The following RAB39A variants were observed in gnomAD, a reference collection of about 807,000 sequenced individuals.
RAB39A encodes ras-related protein Rab-39A.
A neutral mutation model predicts 20.9 loss-of-function variants in RAB39A; 17 were observed. That is an observed-to-expected ratio of 0.81 (90% CI 0.56 to 1.22). The LOEUF (loss-of-function observed/expected upper bound fraction) is 1.22, where lower values mean the gene tolerates loss of function less well. Among genes scored for constraint, RAB39A ranks in the 50% most tolerant of loss-of-function variants. The pLI, the probability that RAB39A is intolerant of heterozygous loss-of-function variation, is 0.00. For missense variants in RAB39A, 234 were observed against 270.5 expected (o/e 0.87, Z 0.95); for synonymous variants, 99 against 103.4 (o/e 0.96, Z 0.26).
At chr11:107,955,690 T>C (rs1861427776) in intron 1 of RAB39A, among the ~76,000 whole-genome samples, 1 of 152,000 alleles carries the variant, frequency 6.6e-6, no homozygotes, top group Non-Finnish European at 1.5e-5. Flanking sequence ...AATACAAAAT[T>C]AGCCACGTGT....
intron 1 of RAB39A, among the ~76,000 whole-genome samples, chr11:107,932,750 C>A (rs1454916111): frequency 6.6e-6 from 1 of 152,136 alleles, no homozygotes; most frequent in East Asian, 1.9e-4. Context: ...CTCGCTCTCT[C>A]ATCCAGGCTG....
chr11:107,951,849 A>G (rs1360029838), intron 1 of RAB39A, among the ~76,000 whole-genome samples: 1 of 152,072 alleles, frequency 6.6e-6, no homozygotes, highest in Non-Finnish European at 1.5e-5. Flanking sequence ...TAACAACAGC[A>G]TCTTATCTTC....
intron 1 of RAB39A, among the ~76,000 whole-genome samples, chr11:107,952,145 A>G (rs1861387233): frequency 1.3e-5 from 2 of 152,238 alleles, no homozygotes; most frequent in Admixed American, 6.5e-5. Flanking sequence ...TCATTATGCT[A>G]AAGCAAATAT....
chr11:107,942,406 G>GT (rs1258122240), intron 1 of RAB39A, among the ~76,000 whole-genome samples: 1 of 152,112 alleles, frequency 6.6e-6, no homozygotes, highest in Non-Finnish European at 1.5e-5. Flanking sequence ...TGATTTATTT[G>GT]TTTTTTGAGA....
Position 107,946,717 on chromosome 11 carries a change from G to T in RAB39A, c.228-15229G>T, listed in dbSNP as rs187462111. Reference sequence around the variant, plus strand: ...TCTCGATCTCCTGACCTCATGATCCGCCCACCTCGGCCTCCCAAGGTGCTG... The same window carrying T: ...TCTCGATCTCCTGACCTCATGATCCTCCCACCTCGGCCTCCCAAGGTGCTG... On this transcript the variant is annotated intron_variant, in intron 1 of 1. Coordinates refer to ENST00000320578, the MANE Select transcript of RAB39A (RefSeq NM_017516.3). Among the ~76,000 whole-genome samples, 8 of 150,582 alleles carry T rather than the reference G, an allele frequency of 5.3e-5. No homozygotes were observed. In the East Asian group the frequency reaches 1.4e-3, roughly 27 times the overall value.
intron 1 of RAB39A, among the ~76,000 whole-genome samples, chr11:107,957,772 A>G (rs1269516806): frequency 1.3e-5 from 2 of 152,058 alleles, no homozygotes; most frequent in Non-Finnish European, 2.9e-5. Flanking sequence ...ACCAGACCAG[A>G]TTAGAATCCA....
intron 1 of RAB39A, among the ~76,000 whole-genome samples, chr11:107,930,103 T>C (rs1591239000): frequency 6.6e-6 from 1 of 152,222 alleles, no homozygotes; most frequent in African/African-American, 2.4e-5. Flanking sequence ...ATGAGTGAAC[T>C]GCTTAGCTTG....
intron 1 of RAB39A, among the ~76,000 whole-genome samples, chr11:107,936,985 A>G (rs980517022): frequency 6.6e-6 from 1 of 152,058 alleles, no homozygotes; most frequent in African/African-American, 2.4e-5. Context: ...ATAATTGCAT[A>G]GGTAACAGAG....
At chr11:107,956,980 T>C (rs897712332) in intron 1 of RAB39A, among the ~76,000 whole-genome samples, 6 of 152,150 alleles carry the variant, frequency 3.9e-5, no homozygotes, top group Non-Finnish European at 1.5e-5. Flanking sequence ...AATTAAAGAA[T>C]CACCACAGTA....
chr11:107,939,996 T>A (rs944315771), intron 1 of RAB39A, among the ~76,000 whole-genome samples: 13 of 152,206 alleles, frequency 8.5e-5, no homozygotes, highest in Non-Finnish European at 1.8e-4. Flanking sequence ...TAGCATGCAA[T>A]GATTTTTTGA....
chr11:107,937,479 A>G (rs1861206741), intron 1 of RAB39A, among the ~76,000 whole-genome samples: 1 of 151,972 alleles, frequency 6.6e-6, no homozygotes, highest in Non-Finnish European at 1.5e-5. Context: ...AATGATACAG[A>G]TTTCATGAAA....
At chr11:107,946,396 A>G (rs865910267) in intron 1 of RAB39A, among the ~76,000 whole-genome samples, 92 of 37,642 alleles carry the variant, frequency 2.4e-3, no homozygotes, top group South Asian at 0.012. Context: ...GGGTGTATAT[A>G]TGTGTGTGTG....
In RAB39A at chr11:107,963,343, T is replaced by C. The variant is rs1269362012; in HGVS notation, c.*971T>C. ...CCCTCGGCCTCCAAAGTGCTGGAAT[T>C]ATAGGCATGAGCTGCCGTGCCTGGA... On this transcript the variant is annotated 3_prime_UTR_variant, in exon 2 of 2. Transcript: ENST00000320578. 2 of 152,188 alleles carry C rather than the reference T, an allele frequency of 1.3e-5. No homozygotes were observed. The highest frequency in any genetic ancestry group is 2.4e-5 in the African/African-American group (1 of 41,448). The allele number at this position is 152,188 out of a possible 1,614,324, so 9.4% of individuals were successfully genotyped here.
Position 107,963,382 on chromosome 11 carries a change from A to G in RAB39A, c.*1010A>G, listed in dbSNP as rs10789645. ...GCCGTGCCTGGACTATCAGCAGCAC[A>G]TGTTTTGCTGTTACGGTGTACTGTT... On this transcript the variant is annotated 3_prime_UTR_variant, in exon 2 of 2. Coordinates refer to ENST00000320578, the MANE Select transcript of RAB39A (RefSeq NM_017516.3). The G allele has an allele frequency of 6.6e-6, 1 of 152,052 alleles. No individual in the cohort carries two copies. Among genetic ancestry groups the G allele is most frequent in the Non-Finnish European group, 1.5e-5 (1 of 68,010 alleles). The allele number at this position is 152,052 out of a possible 1,614,324, so 9.4% of individuals were successfully genotyped here.
intron 1 of RAB39A, among the ~76,000 whole-genome samples, chr11:107,953,460 T>C (rs1302364314): frequency 6.6e-6 from 1 of 152,176 alleles, no homozygotes; most frequent in Non-Finnish European, 1.5e-5. Flanking sequence ...CAGTAGGAAC[T>C]GCAGGAAGCC....
At chr11:107,937,742 C>G (rs1861210437) in intron 1 of RAB39A, among the ~76,000 whole-genome samples, 1 of 152,154 alleles carries the variant, frequency 6.6e-6, no homozygotes, top group East Asian at 1.9e-4. Context: ...TGTGGACTTC[C>G]CCTCTAGTCT....
At chr11:107,946,434 GTGTATATATA>G (rs1468960544) in intron 1 of RAB39A, among the ~76,000 whole-genome samples, 23 of 20,868 alleles carry the variant, frequency 1.1e-3, no homozygotes, top group African/African-American at 2.8e-3. Flanking sequence ...GTGTGTGTGT[GTGTATATATA>G]TATATATATA....
intron 1 of RAB39A, among the ~76,000 whole-genome samples, chr11:107,942,897 G>A (rs1342729224): frequency 6.6e-6 from 1 of 152,078 alleles, no homozygotes; most frequent in East Asian, 1.9e-4. Context: ...TCCCATCCCT[G>A]TAGACCCAAG....
rs180734370 is a variant in RAB39A, at chr11:107,951,359, C to T, written c.228-10587C>T. Among the ~76,000 whole-genome samples the T allele has an allele frequency of 1.0e-3, 155 of 152,276 alleles. 1 individual carries two copies. Among genetic ancestry groups the T allele is most frequent in the African/African-American group, 3.7e-3 (153 of 41,550 alleles). On this transcript the variant is annotated intron_variant, in intron 1 of 1. Transcript: ENST00000320578. ...GTAATGTCATGCTGAAAAACAGGCACCCACAAGGCTAATGCATTCATAGGC... is the reference window on the plus strand; with the variant it reads ...GTAATGTCATGCTGAAAAACAGGCATCCACAAGGCTAATGCATTCATAGGC...
Sources: gnomAD v4.1 joint callset for allele counts (sites outside exome capture counted in the v4.1 genomes callset) on GRCh38, gnomAD v4.1.1 for gene constraint, MANE v1.5 for transcripts, NCBI Gene and HGNC (gene_info 2026-07-23, HGNC 2026-07-21) for gene names.